OR2AT4: variants seen among roughly 807,000 people sequenced by gnomAD.
The protein encoded by OR2AT4 is olfactory receptor family 2 subfamily AT member 4.
In OR2AT4, 6 loss-of-function variants were observed where a neutral mutation model predicts 10.3. The observed-to-expected ratio is 0.58, with a 90% CI of 0.32 to 1.15. OR2AT4 has a LOEUF of 1.15. Ranked by LOEUF, OR2AT4 falls within the 50% of genes most tolerant of loss-of-function variation. OR2AT4 has a pLI of 0.05. For missense variants in OR2AT4, 354 were observed against 393.8 expected (o/e 0.90, Z 0.85); for synonymous variants, 145 against 159.1 (o/e 0.91, Z 0.67).
chr11:75,086,726 AC>A (rs1949292735), exon 2 of OR2AT4: 1 of 152,230 alleles, frequency 6.6e-6, no homozygotes, highest in African/African-American at 2.4e-5. Flanking sequence ...CATCATTATG[AC>A]CCAAAGCCCA....
intron 1 of OR2AT4, among the ~76,000 whole-genome samples, chr11:75,093,996 T>C (rs1949333996): frequency 6.6e-6 from 1 of 151,820 alleles, no homozygotes; most frequent in Non-Finnish European, 1.5e-5. Context: ...CTAGTTTTTG[T>C]ATTTTTAGCA....
At chr11:75,093,736 C>A (rs1407359617) in intron 1 of OR2AT4, among the ~76,000 whole-genome samples, 1 of 149,718 alleles carries the variant, frequency 6.7e-6, no homozygotes, top group Admixed American at 6.6e-5. Flanking sequence ...GCCATTGAAT[C>A]ATAAAAAATT....
chr11:75,082,342 T>A (rs987057998), exon 2 of OR2AT4: 1 of 151,922 alleles, frequency 6.6e-6, no homozygotes, highest in Non-Finnish European at 1.5e-5. Context: ...AGGAGATATA[T>A]CTAATGTAAA....
chr11:75,092,049 A>G (rs1949322504), intron 1 of OR2AT4, among the ~76,000 whole-genome samples: 1 of 152,244 alleles, frequency 6.6e-6, no homozygotes, highest in Non-Finnish European at 1.5e-5. Context: ...TAAGAAAAAG[A>G]CAGATGACCT....
At chr11:75,083,602 T>C (rs1277557216) in exon 2 of OR2AT4, 1 of 152,218 alleles carries the variant, frequency 6.6e-6, no homozygotes, top group Non-Finnish European at 1.5e-5. Context: ...CATATGTTCA[T>C]TGCATTAGTA....
chr11:75,089,286 G>A, exon 2 of OR2AT4: 6 of 1,614,224 alleles, frequency 3.7e-6, no homozygotes, highest in Non-Finnish European at 5.1e-6. Flanking sequence ...ATTGGTCTGT[G>A]GGTTCATGAG....
In OR2AT4 at chr11:75,095,129, G is replaced by C. The variant is rs137874115; in HGVS notation, c.-652+1699C>G. 3.4e-3 allele frequency among the ~76,000 whole-genome samples: 515 copies of C among 152,304 alleles called. 14 individuals carry two copies. Among genetic ancestry groups the C allele is most frequent in the Non-Finnish European group, 1.2e-3 (80 of 68,034 alleles). ...TAAACAGCAGGGAGACAGATGCTGA[G>C]TCTGAAGTCCAGAAATAGTGTCTTT... On this transcript the variant is annotated intron_variant, in intron 1 of 1. Transcript: ENST00000641504.
At chr11:75,094,960 C>A (rs4435030) in intron 1 of OR2AT4, among the ~76,000 whole-genome samples, 81,171 of 152,032 alleles carry the variant, frequency 0.53, 24,792 homozygotes, top group African/African-American at 0.83. Flanking sequence ...TGCAAACTAC[C>A]TTATTCTGAA....
At position 75,093,500 on chromosome 11, in the gene OR2AT4, T is replaced by G. The variant is rs375416602; in HGVS notation, c.-651-3136A>C. 2.6e-5 allele frequency among the ~76,000 whole-genome samples: 4 copies of G among 152,218 alleles called. No homozygotes were observed. In the East Asian group the frequency reaches 5.8e-4, roughly 22 times the overall value. On this transcript the variant is annotated intron_variant, in intron 1 of 1. Coordinates refer to ENST00000641504, the Ensembl canonical transcript of OR2AT4. ...CTGTCAAGGAAGAAGAGATGTGTGCTTTTGTCCTCCCACAGAACCGGAGAT... is the reference window on the plus strand; with the variant it reads ...CTGTCAAGGAAGAAGAGATGTGTGCGTTTGTCCTCCCACAGAACCGGAGAT...
At chr11:75,093,580 A>C (rs913443901) in intron 1 of OR2AT4, among the ~76,000 whole-genome samples, 4 of 152,194 alleles carry the variant, frequency 2.6e-5, no homozygotes, top group Non-Finnish European at 5.9e-5. Context: ...GTCTCTCTGA[A>C]TAAACAATCC....
Position 75,089,330 on chromosome 11 carries a change from A to C in OR2AT4, c.384T>G (p.Tyr128Ter), listed in dbSNP as rs754471103. The C allele has an allele frequency of 5.0e-6, 8 of 1,614,094 alleles. No individual in the cohort carries two copies. The highest frequency in any genetic ancestry group is 6.8e-6 in the Non-Finnish European group (8 of 1,180,022). Residue 128 changes from tyrosine (Y) to a stop codon, truncating the protein, a stop_gained, in exon 2 of 2, where the codon TAT (tyrosine) becomes TAG (stop). Transcript: ENST00000641504. LOFTEE classifies it high-confidence loss of function. ...AGTGCAGTGGGTGGCAGATAGCCAC[A>C]TAGCGGTCATAGGCCATGACCACCA... is the stretch of plus-strand genomic sequence containing the variant.
chr11:75,087,677 T>A (rs1367318062), exon 2 of OR2AT4: 2 of 152,254 alleles, frequency 1.3e-5, no homozygotes, highest in Non-Finnish European at 2.9e-5. Context: ...CCTTTTAGGA[T>A]GTATAGTCAA....
chr11:75,089,531 G>A, exon 2 of OR2AT4: 1 of 1,614,136 alleles, frequency 6.2e-7, no homozygotes. Flanking sequence ...ACATGGGCTT[G>A]TGGAGGCTGG....
chr11:75,082,549 T>C (rs1949271577), exon 2 of OR2AT4: 1 of 152,010 alleles, frequency 6.6e-6, no homozygotes. Context: ...AAACAAAAAT[T>C]AACTCAAGAT....
chr11:75,090,957 G>A (rs1326069578), intron 1 of OR2AT4, among the ~76,000 whole-genome samples: 2 of 152,190 alleles, frequency 1.3e-5, no homozygotes, highest in African/African-American at 4.8e-5. Flanking sequence ...AACGAATTAA[G>A]CTCCAAACCA....
chr11:75,089,316 T>A, exon 2 of OR2AT4: 1 of 1,614,078 alleles, frequency 6.2e-7, no homozygotes. Context: ...GTGCAGTGGG[T>A]GGCAGATAGC....
exon 2 of OR2AT4, chr11:75,085,984 T>C (rs1404204845): frequency 1.3e-5 from 2 of 152,072 alleles, no homozygotes; most frequent in Non-Finnish European, 2.9e-5. Context: ...CGGTAAAGGA[T>C]AGACATATAT....
At chr11:75,093,789 CTTTTTTTTCTTTTTCTTTTTCT>C (rs1565515264) in intron 1 of OR2AT4, among the ~76,000 whole-genome samples, 13 of 114,362 alleles carry the variant, frequency 1.1e-4, no homozygotes, top group Admixed American at 1.8e-4. Context: ...TTTCTCTTTT[CTTTTTTTTCTTTTTCTTTTTCT>C]TTTTTTTTTT....
chr11:75,086,480 T>G (rs1214127495), exon 2 of OR2AT4: 5 of 152,158 alleles, frequency 3.3e-5, no homozygotes, highest in African/African-American at 4.8e-5. Context: ...CACTTGAAAT[T>G]CAATGGTATG....
Sources: gnomAD v4.1 joint callset for allele counts (sites outside exome capture counted in the v4.1 genomes callset) on GRCh38, gnomAD v4.1.1 for gene constraint, MANE v1.5 for transcripts, NCBI Gene and HGNC (gene_info 2026-07-23, HGNC 2026-07-21) for gene names.